SPG11: variants seen among roughly 807,000 people sequenced by gnomAD.
SPG11 encodes spatacsin.
SPG11 carries 222 observed loss-of-function variants against 274.0 expected under a neutral mutation model. The ratio of observed to expected loss-of-function variants is 0.81; its 90% CI spans 0.73 to 0.91. The LOEUF is 0.91. Among genes scored for constraint, SPG11 ranks in the 40% least tolerant of loss-of-function variants. The pLI, the probability that SPG11 is intolerant of heterozygous loss-of-function variation, is 0.00. For synonymous variants in SPG11, 1,144 were observed against 1,039.7 expected (o/e 1.10, Z -1.93); for missense variants, 3,114 against 2,872.7 (o/e 1.08, Z -1.92).
In SPG11 at chr15:44,626,414, GCTC is replaced by G. The variant is rs1567172789; in HGVS notation, c.2158_2160del (p.Glu720del). On this transcript the variant is annotated inframe_deletion, in exon 11 of 40. Coordinates refer to ENST00000261866, the MANE Select transcript of SPG11 (RefSeq NM_025137.4). Reference sequence around the variant, plus strand: ...ACCAAATTTAGGCCTATGCCAATAAGCTCCTCAAGTTTTTGAGCAGAATGACTA... The same window carrying G: ...ACCAAATTTAGGCCTATGCCAATAAGCTCAAGTTTTTGAGCAGAATGACTA... 6.2e-7 allele frequency: 1 copy of G among 1,613,798 alleles called. No homozygotes were observed. The highest frequency in any genetic ancestry group is 1.7e-5 in the Admixed American group (1 of 60,002).
chr15:44,571,496 C>CTTT (rs796235342), intron 33 of SPG11, among the ~76,000 whole-genome samples: 18 of 126,128 alleles, frequency 1.4e-4, no homozygotes, highest in African/African-American at 3.5e-4. Context: ...AATTTCTTTT[C>CTTT]TTTTTTTTTT....
chr15:44,583,743 T>C (rs780439881), intron 30 of SPG11, 71 bp downstream of exon 30: 17 of 1,603,764 alleles, frequency 1.1e-5, no homozygotes, highest in Non-Finnish European at 1.4e-5. Context: ...GCCACAAGGG[T>C]CCCTTCCTTC....
chr15:44,614,717 C>T (rs2083548188), intron 16 of SPG11, among the ~76,000 whole-genome samples: 1 of 152,102 alleles, frequency 6.6e-6, no homozygotes, highest in Non-Finnish European at 1.5e-5. Flanking sequence ...GGAGTAACTA[C>T]CCCATAGAGT....
In SPG11 at chr15:44,651,681, C is replaced by T. The variant is rs747797205; in HGVS notation, c.1266G>A (p.Glu422=). Residue 422 remains glutamate (E), a synonymous_variant, in exon 6 of 40, where the codon GAG becomes GAA. Transcript: ENST00000261866. ...ACACACATTTAAGCTCTATGGGTTC[C>T]TCTTGTTCACTGATGTGCATTATTT... ...SWKIMHISEQ[E]EPIELKCVSV... 1.9e-5 allele frequency: 31 copies of T among 1,614,218 alleles called. No homozygotes were observed. The highest frequency in any genetic ancestry group is 2.6e-5 in the Non-Finnish European group (31 of 1,180,038).
rs1235556400 is a variant in SPG11 at position 44,651,917 on chromosome 15, A to G, written c.1030T>C (p.Ser344Pro). The change falls in exon 6 of 40, where the codon TCA becomes CCA. Residue 344 changes from serine (S) to proline (P), a missense_variant. Coordinates refer to ENST00000261866, the MANE Select transcript of SPG11 (RefSeq NM_025137.4). ...IDRSWKAQLSSLNETIKNSKL... is the reference protein window; with the variant it reads ...IDRSWKAQLSPLNETIKNSKL... Reference sequence around the variant, plus strand: ...GAGTTCTTTATTGTTTCATTCAATGATGATAGCTGGGCTTTCCAAGACCTG... The same window carrying G: ...GAGTTCTTTATTGTTTCATTCAATGGTGATAGCTGGGCTTTCCAAGACCTG... 19 of 1,611,954 alleles carry G rather than the reference A, an allele frequency of 1.2e-5. No homozygotes were observed. Among genetic ancestry groups the G allele is most frequent in the Admixed American group, 1.7e-5 (1 of 59,664 alleles).
At chr15:44,649,260 G>A (rs1485999239) in intron 6 of SPG11, among the ~76,000 whole-genome samples, 1 of 152,160 alleles carries the variant, frequency 6.6e-6, no homozygotes, top group African/African-American at 2.4e-5. Context: ...GGGCAGTGGT[G>A]TGATCATAGC....
Position 44,648,817 on chromosome 15 carries a change from T to C in SPG11, c.1602+49A>G, listed in dbSNP as rs761792050. ...TCAAATCCTAAATCGAATAAAAGTA[T>C]ATAACACAAAATAATTAAGTAATGT... On this transcript the variant is annotated intron_variant, in intron 7 of 39. Coordinates refer to ENST00000261866, the MANE Select transcript of SPG11 (RefSeq NM_025137.4). The C allele has an allele frequency of 1.4e-5, 22 of 1,585,732 alleles. No individual in the cohort carries two copies. The South Asian group carries it at 2.1e-4, about 15-fold the overall frequency.
Position 44,660,432 on chromosome 15 carries a change from T to C in SPG11, c.442A>G (p.Ser148Gly), listed in dbSNP as rs2085070550. The change falls in exon 2 of 40, where the codon AGT (serine) becomes GGT (glycine). Residue 148 changes from serine to glycine, a missense_variant and splice_region_variant. Coordinates refer to ENST00000261866, the MANE Select transcript of SPG11 (RefSeq NM_025137.4). ...LQKLIDDQDI[S>G]ISLLSLRILS... ...TGAAAGACCACCTGTAGATACTTAC[T>C]GATATCTTGATCGTCAATGAGCTTT... The C allele has an allele frequency of 1.2e-6, 2 of 1,612,902 alleles. No individual in the cohort carries two copies. Among genetic ancestry groups the C allele is most frequent in the South Asian group, 1.1e-5 (1 of 91,064 alleles).
chr15:44,591,327 T>C (rs185320841), intron 27 of SPG11, among the ~76,000 whole-genome samples: 1 of 152,370 alleles, frequency 6.6e-6, no homozygotes, highest in Non-Finnish European at 1.5e-5. Context: ...ACAAAAGTTA[T>C]ATAATACTTC....
chr15:44,564,149 C>T (rs1260768531), intron 39 of SPG11, among the ~76,000 whole-genome samples: 5 of 152,078 alleles, frequency 3.3e-5, no homozygotes, highest in Non-Finnish European at 7.4e-5. Context: ...CCAGCTACCA[C>T]ACCCAGCTAA....
At chr15:44,584,793 C>A (rs1164503327) in intron 29 of SPG11, among the ~76,000 whole-genome samples, 1 of 152,084 alleles carries the variant, frequency 6.6e-6, no homozygotes, top group East Asian at 1.9e-4. Flanking sequence ...TCATGCCTGG[C>A]TAATTTTTAA....
chr15:44,636,170 A>G (rs2084243784), intron 7 of SPG11, among the ~76,000 whole-genome samples: 1 of 152,086 alleles, frequency 6.6e-6, no homozygotes, highest in Admixed American at 6.6e-5. Flanking sequence ...CAGGTGAGAC[A>G]TATTGGTGGG....
In SPG11 at chr15:44,621,838, A is replaced by G. The variant is rs1329473950; in HGVS notation, c.2541T>C (p.His847=). The part of the protein sequence containing the change: ...DCKDEFNKQD[H]RIVLNWALWW... ...ACAGAGCCCAATTTAACACAATTCT[A>G]TGGTCCTGTTTGTTAAATTCATCTT... Residue 847 remains histidine, a synonymous_variant, in exon 14 of 40, where the codon CAT becomes CAC. Transcript: ENST00000261866. The G allele has an allele frequency of 3.7e-6, 6 of 1,613,752 alleles. No individual in the cohort carries two copies. The highest frequency in any genetic ancestry group is 4.2e-6 in the Non-Finnish European group (5 of 1,179,828).
intron 8 of SPG11, among the ~76,000 whole-genome samples, chr15:44,632,166 G>A (rs2084085918): frequency 6.6e-6 from 1 of 152,010 alleles, no homozygotes; most frequent in African/African-American, 2.4e-5. Context: ...CACGCTGATT[G>A]AAGATTGAAA....
chr15:44,653,486 C>A (rs1366324410), intron 4 of SPG11, among the ~76,000 whole-genome samples: 2 of 152,128 alleles, frequency 1.3e-5, no homozygotes, highest in African/African-American at 4.8e-5. Flanking sequence ...ACTGGCTACA[C>A]CTCTGATAAA....
intron 21 of SPG11, among the ~76,000 whole-genome samples, chr15:44,599,148 T>G (rs1413528834): frequency 1.3e-5 from 2 of 152,284 alleles, no homozygotes; most frequent in East Asian, 1.9e-4. Flanking sequence ...CTTGTGATCT[T>G]ATCAATTATG....
At chr15:44,588,919 C>G (rs2082834583) in intron 28 of SPG11, among the ~76,000 whole-genome samples, 1 of 152,194 alleles carries the variant, frequency 6.6e-6, no homozygotes, top group Non-Finnish European at 1.5e-5. Flanking sequence ...CAAAATATCT[C>G]TGTCAGTGTA....
At chr15:44,594,403 G>A (rs965686726) in intron 26 of SPG11, among the ~76,000 whole-genome samples, 6 of 151,830 alleles carry the variant, frequency 4.0e-5, no homozygotes, top group African/African-American at 1.2e-4. Context: ...TCCAGCCTGA[G>A]TGACAGAGCG....
At chr15:44,617,862 G>A (rs1245614591) in intron 15 of SPG11, among the ~76,000 whole-genome samples, 1 of 151,984 alleles carries the variant, frequency 6.6e-6, no homozygotes, top group Non-Finnish European at 1.5e-5. Flanking sequence ...TTTTAGTAGA[G>A]ACGATGTTTC....
Sources: allele counts gnomAD v4.1 joint callset (sites outside exome capture counted in the v4.1 genomes callset), GRCh38; gene constraint gnomAD v4.1.1; transcripts MANE v1.5; gene names NCBI Gene and HGNC (gene_info 2026-07-23, HGNC 2026-07-21).